The following DIPK1C variants were observed in gnomAD, a reference collection of about 807,000 sequenced individuals.
DIPK1C encodes familial non-conventional Alzheimer's dementia.
A neutral mutation model predicts 28.0 loss-of-function variants in DIPK1C; 33 were observed. The ratio of observed to expected loss-of-function variants is 1.18; its 90% CI spans 0.89 to 1.58. The LOEUF (loss-of-function observed/expected upper bound fraction) is 1.58. Among genes scored for constraint, DIPK1C ranks in the 40% most tolerant of loss-of-function variants. DIPK1C has a pLI of 0.00. For synonymous variants in DIPK1C, 255 were observed against 248.8 expected, an observed-to-expected ratio of 1.02 and a Z score of -0.23; for missense variants, 569 against 568.5, an observed-to-expected ratio of 1.00 and a Z score of -0.01.
At chr18:74,459,078 G>A (rs764050096), upstream of DIPK1C, among the ~76,000 whole-genome samples, 15 of 152,210 alleles carry the variant, frequency 9.9e-5, no homozygotes, top group East Asian at 1.9e-4. Context: ...ACTCTAGCCC[G>A]GACAACAGAA....
Position 74,436,237 on chromosome 18 carries a change from T to C in DIPK1C, c.*264A>G, listed in dbSNP as rs904425096. On this transcript the variant is annotated 3_prime_UTR_variant, in exon 4 of 4. Coordinates refer to ENST00000343998, the MANE Select transcript of DIPK1C (RefSeq NM_001044369.3). ...CAGAGAATAAGTGCACACAGGTTGG[T>C]GTCTTCTGACCGAGAGCCCTCCTGA... The C allele has an allele frequency of 2.4e-5, 12 of 502,246 alleles. No homozygotes were observed. Among genetic ancestry groups the C allele is most frequent in the African/African-American group, 2.1e-4 (11 of 51,918 alleles). 31.1% of individuals were successfully genotyped at this position (502,246 alleles called of 1,614,324 possible).
At chr18:74,446,268 A>C (rs1478010525) in intron 2 of DIPK1C, among the ~76,000 whole-genome samples, 1 of 152,180 alleles carries the variant, frequency 6.6e-6, no homozygotes, top group East Asian at 1.9e-4. Context: ...TTTTCCGCAC[A>C]AGTTAAACAG....
chr18:74,450,065 A>G (rs79058885), intron 1 of DIPK1C, among the ~76,000 whole-genome samples: 124 of 152,160 alleles, frequency 8.1e-4, no homozygotes, highest in African/African-American at 3.0e-3. Flanking sequence ...GTGAGGACGA[A>G]TGATAAGGAA....
At position 74,446,908 on chromosome 18, in the gene DIPK1C, G is replaced by A; in HGVS notation, c.574C>T (p.Gln192Ter). 2.0e-6 allele frequency: 3 copies of A among 1,511,758 alleles called. No individual in the cohort carries two copies. The highest frequency in any genetic ancestry group is 2.7e-6 in the Non-Finnish European group (3 of 1,124,824). 93.6% of individuals were successfully genotyped at this position (1,511,758 alleles called of 1,614,324 possible). The change falls in exon 2 of 4, where the codon CAG (glutamine) becomes TAG (stop). Residue 192 changes from glutamine (Q) to a stop codon, truncating the protein, a stop_gained. Transcript: ENST00000343998. LOFTEE classifies it high-confidence loss of function. The stretch of plus-strand genomic sequence containing the variant: ...CTGAAGTAGACGTACTCCTCCTGCT[G>A]CAGCAGGGCCCACAGGCTGGCCAGC... ...GQLASLWALL[Q>*]QEEYVYFSLL...
At position 74,457,004 on chromosome 18, in the gene DIPK1C, G is replaced by A. The variant is rs1166462753; in HGVS notation, c.198+58C>T. The A allele has an allele frequency of 4.4e-6, 6 of 1,353,978 alleles. No homozygotes were observed. The South Asian group carries it at 6.6e-5, about 15-fold the overall frequency. 83.9% of individuals were successfully genotyped at this position (1,353,978 alleles called of 1,614,324 possible). A position where few individuals can be genotyped will look rare whatever the true frequency, so the allele number is the denominator to read the frequency against. On this transcript the variant is annotated intron_variant, in intron 1 of 3. Transcript: ENST00000343998. Reference sequence around the variant, plus strand: ...CCCGGGAAGGCTGGGGACCGGGAGCGGGTGTGATCCCCCCTCCCCGGACGC... The same window carrying A: ...CCCGGGAAGGCTGGGGACCGGGAGCAGGTGTGATCCCCCCTCCCCGGACGC...
rs796417030 is a variant in DIPK1C at position 74,440,037 on chromosome 18, C to T, written c.1041+1915G>A. On this transcript the variant is annotated intron_variant, in intron 3 of 3. Coordinates refer to ENST00000343998, the MANE Select transcript of DIPK1C (RefSeq NM_001044369.3). ...TCGGCTCACTGCAAGCTCCGCCTCC[C>T]GGGTTCACGCCATTCTCCTGCCTCA... Among the ~76,000 whole-genome samples the T allele has an allele frequency of 3.0e-4, 45 of 151,546 alleles. 1 individual carries two copies. Among genetic ancestry groups the T allele is most frequent in the African/African-American group, 1.0e-3 (42 of 41,296 alleles).
chr18:74,457,156 C>T lies in DIPK1C; in HGVS notation c.104G>A (p.Trp35Ter). 2.9e-6 allele frequency: 4 copies of T among 1,394,476 alleles called. No homozygotes were observed. Among genetic ancestry groups the T allele is most frequent in the Non-Finnish European group, 3.7e-6 (4 of 1,077,608 alleles). 86.4% of individuals were successfully genotyped at this position (1,394,476 alleles called of 1,614,324 possible). Reference protein sequence around the residue: ...LLAFAAWTAGWVLAAALLLRA... With the variant: ...LLAFAAWTAG ...GAGCAGCAGCGCGGCCGCCAGCACC[C>T]AGCCCGCGGTCCACGCGGCGAAGGC... The change falls in exon 1 of 4, where the codon TGG becomes TAG. Residue 35 changes from tryptophan (W) to a stop codon, truncating the protein, a stop_gained. Transcript: ENST00000343998. LOFTEE classifies it high-confidence loss of function.
intron 1 of DIPK1C, among the ~76,000 whole-genome samples, chr18:74,449,695 C>T (rs1341599600): frequency 6.6e-6 from 1 of 152,146 alleles, no homozygotes; most frequent in African/African-American, 2.4e-5. Flanking sequence ...AGGAACCTCG[C>T]CCTGGAGCTA....
rs1212904723 is a variant in DIPK1C at position 74,447,303 on chromosome 18, C to T, written c.199-20G>A. The T allele has an allele frequency of 2.7e-6, 4 of 1,505,978 alleles. No individual in the cohort carries two copies. Among genetic ancestry groups the T allele is most frequent in the South Asian group, 1.3e-5 (1 of 77,378 alleles). The allele number at this position is 1,505,978 out of a possible 1,614,324, so 93.3% of individuals were successfully genotyped here. On this transcript the variant is annotated intron_variant, in intron 1 of 3. Transcript: ENST00000343998. This position sits in a 1 kb window ranked among gnomAD's most constrained non-coding sequence, Gnocchi z 4.1. ...CTGGCACTGGAAGGAAGGGAACAGT[C>T]GGTCACCATGGGGAGGGCCTGGTGC...
In DIPK1C at chr18:74,457,068, G is replaced by T; in HGVS notation, c.192C>A (p.Ala64=). The change falls in exon 1 of 4, where the codon GCC becomes GCA. Residue 64 remains alanine (A), a synonymous_variant. Transcript: ENST00000343998. ...CTDEKSRRIL[A]ALCQDYQGGT... is the part of the protein sequence containing the mutation. ...GAGCGGCGGCGGGACCTACCAGCGC[G>T]GCCAGGATGCGCCGGCTCTTCTCGT... 2 of 1,461,310 alleles carry T rather than the reference G, an allele frequency of 1.4e-6. No individual in the cohort carries two copies. The highest frequency in any genetic ancestry group is 1.8e-6 in the Non-Finnish European group (2 of 1,115,104). 90.5% of individuals were successfully genotyped at this position (1,461,310 alleles called of 1,614,324 possible).
chr18:74,446,468 G>T, intron 2 of DIPK1C, 138 bp downstream of exon 2: 1 of 722,832 alleles, frequency 1.4e-6, no homozygotes, highest in Non-Finnish European at 2.0e-6. Context: ...GTTCTGGTAG[G>T]TGGGAGTTCT....
At chr18:74,443,817 G>A (rs938009674) in intron 2 of DIPK1C, among the ~76,000 whole-genome samples, 26 of 151,770 alleles carry the variant, frequency 1.7e-4, no homozygotes, top group African/African-American at 6.1e-4. Flanking sequence ...CATTACTGGG[G>A]CTACACGACT....
chr18:74,463,150 A>G, the DIPK1C span, among the ~76,000 whole-genome samples: 1 of 152,200 alleles, frequency 6.6e-6, no homozygotes, highest in Non-Finnish European at 1.5e-5. Flanking sequence ...ACATGAGCAC[A>G]GTGTTATCCT....
the DIPK1C span, among the ~76,000 whole-genome samples, chr18:74,463,431 G>C: frequency 6.6e-6 from 1 of 152,156 alleles, no homozygotes; most frequent in Non-Finnish European, 1.5e-5. Flanking sequence ...CATTCATTGG[G>C]ACTAAGCTTT....
upstream of DIPK1C, among the ~76,000 whole-genome samples, chr18:74,458,658 C>CAGGGTTTG (rs1555699871): frequency 6.6e-6 from 1 of 152,088 alleles, no homozygotes; most frequent in African/African-American, 2.4e-5. Flanking sequence ...CAATCAACAG[C>CAGGGTTTG]GGTAAGGCCA....
At chr18:74,443,065 G>A (rs549573927) in intron 2 of DIPK1C, among the ~76,000 whole-genome samples, 16 of 152,276 alleles carry the variant, frequency 1.1e-4, no homozygotes, top group East Asian at 3.9e-4. Context: ...CAAAGTTATC[G>A]AATTAGGACT....
intron 1 of DIPK1C, among the ~76,000 whole-genome samples, chr18:74,456,156 T>G (rs992962992): frequency 6.6e-6 from 1 of 152,138 alleles, no homozygotes; most frequent in African/African-American, 2.4e-5. Flanking sequence ...CATGTAAGAG[T>G]AGCTGCTACT....
intron 1 of DIPK1C, among the ~76,000 whole-genome samples, chr18:74,450,773 C>T (rs1456619172): frequency 6.6e-6 from 1 of 152,234 alleles, no homozygotes; most frequent in Non-Finnish European, 1.5e-5. Flanking sequence ...CCACAGCTGC[C>T]AGGTTCCGGA....
chr18:74,448,114 C>A (rs541003010), intron 1 of DIPK1C, among the ~76,000 whole-genome samples: 2 of 152,284 alleles, frequency 1.3e-5, no homozygotes, highest in Admixed American at 6.5e-5. Context: ...GAAGCCCGTC[C>A]AGCCCGATAA....
Sources: allele counts gnomAD v4.1 joint callset (sites outside exome capture counted in the v4.1 genomes callset), GRCh38; gene constraint gnomAD v4.1.1; non-coding constraint Gnocchi (gnomAD v3.1); transcripts MANE v1.5; gene names NCBI Gene and HGNC (gene_info 2026-07-23, HGNC 2026-07-21).